PACS1: variants seen among roughly 807,000 people sequenced by gnomAD.
PACS1 encodes the protein phosphofurin acidic cluster sorting protein 1, also known as PACS-1.
A neutral mutation model predicts 115.0 loss-of-function variants in PACS1; 24 were observed. That is an observed-to-expected ratio of 0.21 (90% confidence interval 0.15 to 0.29). The LOEUF (loss-of-function observed/expected upper bound fraction) is 0.29, where lower values mean the gene tolerates loss of function less well. Among genes scored for constraint, PACS1 ranks in the 10% least tolerant of loss-of-function variants. The pLI is 1.00. For missense variants in PACS1, 838 were observed against 1,251.2 expected (o/e 0.67, Z 4.98); for synonymous variants, 453 against 504.5 (o/e 0.90, Z 1.37).
intron 1 of PACS1, among the ~76,000 whole-genome samples, chr11:66,105,064 T>C (rs749894269): frequency 5.3e-5 from 8 of 152,240 alleles, no homozygotes; most frequent in Non-Finnish European, 8.8e-5. Flanking sequence ...AAATCTGTTA[T>C]AATTTTTCCC....
Position 66,233,166 on chromosome 11 carries a change from C to T in PACS1, c.1838+100C>T. The T allele has an allele frequency of 1.1e-6, 1 of 883,780 alleles. No homozygotes were observed. Among genetic ancestry groups the T allele is most frequent in the Non-Finnish European group, 1.8e-6 (1 of 561,340 alleles). The allele number at this position is 883,780 out of a possible 1,614,324, so 54.7% of individuals were successfully genotyped here. A position where few individuals can be genotyped will look rare whatever the true frequency, so the allele number is the denominator to read the frequency against. On this transcript the variant is annotated intron_variant, in intron 15 of 23. Coordinates refer to ENST00000320580, the MANE Select transcript of PACS1 (RefSeq NM_018026.4). The surrounding 1 kb of genome is among the most constrained non-coding windows in gnomAD (Gnocchi z 4.5). ...CAATGATAGACCCTCCTGGCCTCAT[C>T]AGACCAAGAATTTGCAGAGGGGCGT...
chr11:66,115,223 A>C (rs1021047805), intron 1 of PACS1, among the ~76,000 whole-genome samples: 4 of 151,928 alleles, frequency 2.6e-5, no homozygotes, highest in Non-Finnish European at 1.5e-5. Context: ...AAAAAAAAAA[A>C]AAAAAACTAG....
chr11:66,208,292 C>A (rs748999621), intron 2 of PACS1, among the ~76,000 whole-genome samples: 2 of 151,990 alleles, frequency 1.3e-5, no homozygotes, highest in Admixed American at 1.3e-4. Context: ...GCTGAAGACA[C>A]GTGAGAGATG....
Position 66,118,760 on chromosome 11 carries a change from C to T in PACS1, c.356+47918C>T, listed in dbSNP as rs1381905686. Among the ~76,000 whole-genome samples, 3 of 128,420 alleles carry T rather than the reference C, an allele frequency of 2.3e-5. No homozygotes were observed. In the Admixed American group the frequency reaches 2.5e-4, roughly 11 times the overall value. The allele number at this position is 128,420 out of a possible 152,430, so 84.2% of individuals were successfully genotyped here. On this transcript the variant is annotated intron_variant, in intron 1 of 23. Coordinates refer to ENST00000320580, the MANE Select transcript of PACS1 (RefSeq NM_018026.4). ...TGGGCTTAGGCAACATGGCGAAACC[C>T]CATGTCTACAAAAAAAAAAAAAAAA...
At chr11:66,155,331 G>A (rs1393651795) in intron 1 of PACS1, among the ~76,000 whole-genome samples, 1 of 152,156 alleles carries the variant, frequency 6.6e-6, no homozygotes, top group South Asian at 2.1e-4. Flanking sequence ...TGAAGAAAAT[G>A]TACAATATGG....
Position 66,238,732 on chromosome 11 carries a change from G to A in PACS1, c.2251-72G>A, listed in dbSNP as rs911283005. 26 of 1,319,988 alleles carry A rather than the reference G, an allele frequency of 2.0e-5. No individual in the cohort carries two copies. In the African/African-American group the frequency reaches 3.1e-4, roughly 16 times the overall value. 81.8% of individuals were successfully genotyped at this position (1,319,988 alleles called of 1,614,324 possible). On this transcript the variant is annotated intron_variant, in intron 19 of 23. Transcript: ENST00000320580. ...TAGTGATGGCTCTTGTGCCACCAAT[G>A]TGTTTCTGGTTGGATCAGAACATGC...
chr11:66,113,981 C>A (rs1001303396), intron 1 of PACS1, among the ~76,000 whole-genome samples: 1 of 152,132 alleles, frequency 6.6e-6, no homozygotes, highest in African/African-American at 2.4e-5. Flanking sequence ...CCTCCCCAGA[C>A]AAAAATACGA....
At chr11:66,210,235 A>G (rs533473326) in intron 2 of PACS1, 127 bp from the exon 3 acceptor site, 38 of 692,412 alleles carry the variant, frequency 5.5e-5, no homozygotes, top group African/African-American at 4.8e-4. Context: ...GAGTCTCACT[A>G]TGTTGCCCCA....
At chr11:66,080,427 G>A (rs1199081893) in intron 1 of PACS1, among the ~76,000 whole-genome samples, 4 of 152,134 alleles carry the variant, frequency 2.6e-5, no homozygotes, top group Non-Finnish European at 5.9e-5. Context: ...AGTGTGGGGG[G>A]AAAGGCTGTC....
chr11:66,087,214 T>G (rs954965638), intron 1 of PACS1, among the ~76,000 whole-genome samples: 11 of 151,896 alleles, frequency 7.2e-5, no homozygotes, highest in Non-Finnish European at 1.5e-4. Flanking sequence ...ACACAGTGGA[T>G]GAAGTACAAA....
At chr11:66,198,618 T>C (rs1184134815) in intron 2 of PACS1, among the ~76,000 whole-genome samples, 8 of 151,982 alleles carry the variant, frequency 5.3e-5, no homozygotes, top group Non-Finnish European at 1.2e-4. Context: ...CTGCAGAGGG[T>C]GATAATTAAA....
At chr11:66,191,659 A>C (rs760553209) in intron 1 of PACS1, among the ~76,000 whole-genome samples, 10 of 152,186 alleles carry the variant, frequency 6.6e-5, no homozygotes, top group Non-Finnish European at 1.3e-4. Context: ...ATTTTATTTG[A>C]TTTTGATTCT....
chr11:66,241,383 G>T (rs767733919), intron 21 of PACS1, 44 bp from the exon 22 acceptor site: 2 of 1,475,018 alleles, frequency 1.4e-6, no homozygotes, highest in South Asian at 2.5e-5. Flanking sequence ...GTAGTTGGGA[G>T]CTGAAGGCAG....
intron 1 of PACS1, chr11:66,120,871 T>C: frequency 2.6e-6 from 1 of 379,988 alleles, no homozygotes. Context: ...TACTTATCCT[T>C]CAGAGCCCAG....
chr11:66,070,914 A>T lies in PACS1; in HGVS notation c.356+72A>T. The T allele has an allele frequency of 7.6e-7, 1 of 1,313,764 alleles. No individual in the cohort carries two copies. Among genetic ancestry groups the T allele is most frequent in the South Asian group, 1.8e-5 (1 of 56,892 alleles). The allele number at this position is 1,313,764 out of a possible 1,614,324, so 81.4% of individuals were successfully genotyped here. A position where few individuals can be genotyped will look rare whatever the true frequency, so the allele number is the denominator to read the frequency against. On this transcript the variant is annotated intron_variant, in intron 1 of 23. Coordinates refer to ENST00000320580, the MANE Select transcript of PACS1 (RefSeq NM_018026.4). The surrounding 1 kb of genome is among the most constrained non-coding windows in gnomAD (Gnocchi z 5.9). Reference sequence around the variant, plus strand: ...GCCGGGGCCCAGCCCTCCCCGCCCCAGCGCCCATGGGGTCCCCGCCCTCCA... The same window carrying T: ...GCCGGGGCCCAGCCCTCCCCGCCCCTGCGCCCATGGGGTCCCCGCCCTCCA...
At chr11:66,218,842 G>C (rs1446039469) in intron 7 of PACS1, 1 of 147,278 alleles carries the variant, frequency 6.8e-6, no homozygotes, top group Non-Finnish European at 1.5e-5. Context: ...CCTGGCAACA[G>C]AGCAAGACTC....
intron 2 of PACS1, among the ~76,000 whole-genome samples, chr11:66,204,589 G>GTA (rs1854888962): frequency 6.6e-6 from 1 of 152,012 alleles, no homozygotes; most frequent in African/African-American, 2.4e-5. Context: ...AGAAAATGTG[G>GTA]TACATATACA....
intron 1 of PACS1, among the ~76,000 whole-genome samples, chr11:66,192,527 T>TG (rs1341185830): frequency 4.6e-5 from 7 of 152,080 alleles, no homozygotes; most frequent in Non-Finnish European, 7.4e-5. Context: ...GGGAGGGCTG[T>TG]GGAGATGCAA....
intron 1 of PACS1, among the ~76,000 whole-genome samples, chr11:66,113,747 C>T (rs773431851): frequency 1.2e-4 from 18 of 152,152 alleles, no homozygotes; most frequent in Non-Finnish European, 2.4e-4. Context: ...TTGACTGTCT[C>T]GTGATCAAAC....
Sources: allele counts gnomAD v4.1 joint callset (sites outside exome capture counted in the v4.1 genomes callset), GRCh38; gene constraint gnomAD v4.1.1; non-coding constraint Gnocchi (gnomAD v3.1); transcripts MANE v1.5; gene names NCBI Gene and HGNC (gene_info 2026-07-23, HGNC 2026-07-21).